R3HCC1L: variants seen among roughly 807,000 people sequenced by gnomAD.
The protein encoded by R3HCC1L is coiled-coil domain-containing protein R3HCC1L.
A neutral mutation model predicts 59.9 loss-of-function variants in R3HCC1L; 51 were observed. The ratio of observed to expected loss-of-function variants is 0.85; its 90% CI spans 0.68 to 1.07. The LOEUF (loss-of-function observed/expected upper bound fraction) is 1.07, where lower values mean the gene tolerates loss of function less well. Ranked by LOEUF, R3HCC1L falls within the 50% of genes least tolerant of loss-of-function variation. The pLI is 0.00. For missense variants in R3HCC1L, 965 were observed against 933.0 expected, an observed-to-expected ratio of 1.03 and a Z score of -0.45; for synonymous variants, 322 against 315.2, an observed-to-expected ratio of 1.02 and a Z score of -0.23.
In R3HCC1L at chr10:98,224,115, G is replaced by C. The variant is rs374257932; in HGVS notation, c.1786-7397G>C. On this transcript the variant is annotated intron_variant, in intron 5 of 9. Transcript: ENST00000298999. ...ACAGTGTGCTTGGGTGCCGCTCATT[G>C]TTGTAGCAGCGGAAAGCTGTGTAGG... Among the ~76,000 whole-genome samples the C allele has an allele frequency of 3.3e-5, 5 of 152,220 alleles. No individual in the cohort carries two copies. The South Asian group carries it at 1.0e-3, about 32-fold the overall frequency.
At chr10:98,160,796 C>T (rs1231826238) in intron 2 of R3HCC1L, among the ~76,000 whole-genome samples, 2 of 152,156 alleles carry the variant, frequency 1.3e-5, no homozygotes, top group African/African-American at 4.8e-5. Context: ...ACACTCTAAC[C>T]TGACCTCTGT....
intron 2 of R3HCC1L, among the ~76,000 whole-genome samples, chr10:98,157,800 A>T (rs1195338555): frequency 1.3e-5 from 2 of 152,218 alleles, no homozygotes; most frequent in Non-Finnish European, 2.9e-5. Flanking sequence ...GGTGTATTCC[A>T]TTCTTTTAAC....
intron 2 of R3HCC1L, among the ~76,000 whole-genome samples, chr10:98,162,364 CAT>C (rs1480378914): frequency 2.6e-5 from 4 of 152,128 alleles, no homozygotes; most frequent in Admixed American, 6.5e-5. Context: ...GTTTCTGAAA[CAT>C]ATTGTTAACA....
chr10:98,170,145 A>G (rs1848379376), intron 4 of R3HCC1L, among the ~76,000 whole-genome samples: 1 of 152,168 alleles, frequency 6.6e-6, no homozygotes, highest in Non-Finnish European at 1.5e-5. Context: ...TGCTCAGCAT[A>G]TATTGTGAGC....
chr10:98,215,057 C>T (rs4919188), intron 5 of R3HCC1L, among the ~76,000 whole-genome samples: 48,654 of 151,962 alleles, frequency 0.32, 7,977 homozygotes, highest in East Asian at 0.48. Context: ...TCTAGCCCTG[C>T]GCTCTTTCCA....
rs1590710227 is a variant in R3HCC1L at position 98,208,033 on chromosome 10, A to C, written c.-14-68A>C. ...GTGTGAGACTCTGTCCCAAAAAGAA[A>C]AAAGAAAATATTTTGGTTCAATACA... is the stretch of plus-strand genomic sequence containing the variant. On this transcript the variant is annotated intron_variant, in intron 4 of 9. Transcript: ENST00000298999. The C allele has an allele frequency of 9.2e-6, 13 of 1,413,044 alleles. No homozygotes were observed. The East Asian group carries it at 2.7e-4, about 29-fold the overall frequency. 87.5% of individuals were successfully genotyped at this position (1,413,044 alleles called of 1,614,324 possible). A position where few individuals can be genotyped will look rare whatever the true frequency, so the allele number is the denominator to read the frequency against.
intron 5 of R3HCC1L, among the ~76,000 whole-genome samples, chr10:98,224,245 G>T (rs1176544333): frequency 6.6e-6 from 1 of 152,110 alleles, no homozygotes; most frequent in African/African-American, 2.4e-5. Flanking sequence ...CAGCTAGGAG[G>T]GGCATAATGT....
chr10:98,205,373 AGG>A (rs1426732895), intron 4 of R3HCC1L, among the ~76,000 whole-genome samples: 10 of 152,216 alleles, frequency 6.6e-5, no homozygotes, highest in Non-Finnish European at 1.0e-4. Flanking sequence ...TGCCATAAAT[AGG>A]GCTTGATTTC....
At chr10:98,190,514 C>T (rs191454319) in intron 4 of R3HCC1L, among the ~76,000 whole-genome samples, 1 of 152,134 alleles carries the variant, frequency 6.6e-6, no homozygotes, top group Admixed American at 6.5e-5. Context: ...TATTTCAAAA[C>T]TTTTATTCAA....
At chr10:98,184,344 C>T (rs892181888) in intron 4 of R3HCC1L, among the ~76,000 whole-genome samples, 2 of 152,026 alleles carry the variant, frequency 1.3e-5, no homozygotes, top group African/African-American at 2.4e-5. Flanking sequence ...GATGATGGTC[C>T]CCTAAGATTA....
intron 1 of R3HCC1L, among the ~76,000 whole-genome samples, chr10:98,147,701 C>G (rs1325606587): frequency 6.6e-6 from 1 of 152,100 alleles, no homozygotes; most frequent in African/African-American, 2.4e-5. Context: ...GTGCCTTTGT[C>G]AAAAATAAAT....
intron 1 of R3HCC1L, among the ~76,000 whole-genome samples, chr10:98,136,992 CGAGGTCAG>C (rs1463302918): frequency 6.6e-6 from 1 of 152,094 alleles, no homozygotes; most frequent in Non-Finnish European, 1.5e-5. Context: ...GGGCAGATCA[CGAGGTCAG>C]GAGGTCGAGA....
chr10:98,241,762 G>C (rs1023177681), intron 9 of R3HCC1L, among the ~76,000 whole-genome samples: 22 of 152,054 alleles, frequency 1.4e-4, no homozygotes, highest in African/African-American at 4.8e-4. Context: ...AAAGTGTGCT[G>C]GTGAAGAATT....
chr10:98,170,039 C>G (rs1590525776), intron 4 of R3HCC1L, among the ~76,000 whole-genome samples: 1 of 151,922 alleles, frequency 6.6e-6, no homozygotes, highest in Non-Finnish European at 1.5e-5. Flanking sequence ...ATCATTTATC[C>G]TTAATGGTAA....
intron 4 of R3HCC1L, among the ~76,000 whole-genome samples, chr10:98,170,202 C>T (rs1171768713): frequency 6.6e-6 from 1 of 152,078 alleles, no homozygotes; most frequent in Admixed American, 6.5e-5. Context: ...GGTGGTAAAA[C>T]TGCTAGTTTA....
chr10:98,225,268 CA>C (rs1157962013), intron 5 of R3HCC1L, among the ~76,000 whole-genome samples: 1 of 152,202 alleles, frequency 6.6e-6, no homozygotes, highest in Non-Finnish European at 1.5e-5. Flanking sequence ...CATGTCTCAT[CA>C]CTCTGTGTCA....
At chr10:98,185,319 T>C (rs1850108643) in intron 4 of R3HCC1L, among the ~76,000 whole-genome samples, 1 of 152,150 alleles carries the variant, frequency 6.6e-6, no homozygotes, top group South Asian at 2.1e-4. Flanking sequence ...TAATACTTTC[T>C]CTAATGAGCA....
At chr10:98,170,763 GGAAAT>G (rs1302978900) in intron 4 of R3HCC1L, among the ~76,000 whole-genome samples, 5 of 152,330 alleles carry the variant, frequency 3.3e-5, no homozygotes, top group Admixed American at 3.3e-4. Flanking sequence ...TGGCATTCTT[GGAAAT>G]GAAGAGGACA....
intron 9 of R3HCC1L, among the ~76,000 whole-genome samples, 167 bp from the exon 10 acceptor site, chr10:98,243,924 C>T (rs940054585): frequency 6.6e-5 from 10 of 152,134 alleles, no homozygotes; most frequent in African/African-American, 2.4e-4. Context: ...ATCATTTTCA[C>T]TTACAAAGCA....
Sources: gnomAD v4.1 joint callset for allele counts (sites outside exome capture counted in the v4.1 genomes callset) on GRCh38, gnomAD v4.1.1 for gene constraint, MANE v1.5 for transcripts, NCBI Gene and HGNC (gene_info 2026-07-23, HGNC 2026-07-21) for gene names.